Variants in PPP3CA observed in about 807,000 individuals in gnomAD.
PPP3CA encodes the protein CAM-PRP catalytic subunit.
In PPP3CA, 14 loss-of-function variants were observed where a neutral mutation model predicts 66.5. The observed-to-expected ratio is 0.21, with a 90% CI of 0.14 to 0.33. The LOEUF is 0.33. PPP3CA is among the 10% of genes least tolerant of loss of function. PPP3CA has a pLI of 1.00. For synonymous variants in PPP3CA, 232 were observed against 226.2 expected (o/e 1.03, Z -0.23); for missense variants, 317 against 639.5 (o/e 0.50, Z 5.44).
chr4:101,110,677 T>G (rs1456521085), intron 2 of PPP3CA, among the ~76,000 whole-genome samples: 1 of 152,224 alleles, frequency 6.6e-6, no homozygotes, highest in Admixed American at 6.5e-5. Flanking sequence ...ATAAATAATT[T>G]TTTTATTCTT....
At chr4:101,319,861 T>C (rs142676103) in intron 1 of PPP3CA, among the ~76,000 whole-genome samples, 1 of 152,286 alleles carries the variant, frequency 6.6e-6, no homozygotes. Flanking sequence ...TAAGTACAAT[T>C]GGCTTTGTGG....
At chr4:101,027,018 T>C (rs1482808608) in intron 13 of PPP3CA, among the ~76,000 whole-genome samples, 1 of 152,222 alleles carries the variant, frequency 6.6e-6, no homozygotes, top group East Asian at 1.9e-4. Flanking sequence ...ATCTTTGGTG[T>C]GCTACAGCGA....
chr4:101,182,750 G>A (rs577827683), intron 2 of PPP3CA, among the ~76,000 whole-genome samples: 25 of 152,218 alleles, frequency 1.6e-4, no homozygotes, highest in Admixed American at 3.3e-4. Flanking sequence ...GAATTCCGAC[G>A]TGTTGTGGGA....
rs186653151 is a variant in PPP3CA, at chr4:101,085,014, G to T, written c.783-1751C>A. Among the ~76,000 whole-genome samples, 4 of 152,190 alleles carry T rather than the reference G, an allele frequency of 2.6e-5. No homozygotes were observed. The East Asian group carries it at 7.7e-4, about 29-fold the overall frequency. On this transcript the variant is annotated intron_variant, in intron 6 of 13. Coordinates refer to ENST00000394854, the MANE Select transcript of PPP3CA (RefSeq NM_000944.5). Reference sequence around the variant, plus strand: ...GAAAAGTGAATATACGACCTTTCCAGGTAAGTGTGTGTCAGAGAAAAAAAA... The same window carrying T: ...GAAAAGTGAATATACGACCTTTCCATGTAAGTGTGTGTCAGAGAAAAAAAA...
At chr4:101,277,222 G>A (rs186726297) in intron 1 of PPP3CA, among the ~76,000 whole-genome samples, 6 of 152,052 alleles carry the variant, frequency 3.9e-5, no homozygotes, top group African/African-American at 1.4e-4. Flanking sequence ...CCATTTCTAT[G>A]TGGCTTGGTA....
At chr4:101,166,348 C>T (rs73833252) in intron 2 of PPP3CA, among the ~76,000 whole-genome samples, 20,224 of 152,060 alleles carry the variant, frequency 0.13, 1,830 homozygotes, top group East Asian at 0.29. Context: ...AGCAGTGCAA[C>T]GCACCGTTCC....
rs1311684599 is a variant in PPP3CA, at chr4:101,164,034, G to A, written c.259+31882C>T. On this transcript the variant is annotated intron_variant, in intron 2 of 13. Transcript: ENST00000394854. ...CTTGCTCTGTCACCCAGGCTGGAGT[G>A]CAGTGGTGTAATCATAACTTACTGC... 4.7e-4 allele frequency among the ~76,000 whole-genome samples: 7 copies of A among 14,740 alleles called. No individual in the cohort carries two copies. The Admixed American group carries it at 4.8e-3, about 10-fold the overall frequency. The allele number at this position is 14,740 out of a possible 152,430, so 9.7% of individuals were successfully genotyped here.
At chr4:101,303,398 TC>T (rs1210111677) in intron 1 of PPP3CA, among the ~76,000 whole-genome samples, 1 of 152,188 alleles carries the variant, frequency 6.6e-6, no homozygotes, top group Non-Finnish European at 1.5e-5. Context: ...TGTATTTTTT[TC>T]AGCAAAATTA....
At chr4:101,334,959 T>C (rs1729577629) in intron 1 of PPP3CA, among the ~76,000 whole-genome samples, 1 of 152,194 alleles carries the variant, frequency 6.6e-6, no homozygotes, top group Admixed American at 6.5e-5. Flanking sequence ...ATCAGTAAGA[T>C]CAAGCAACTG....
intron 1 of PPP3CA, among the ~76,000 whole-genome samples, chr4:101,249,828 T>G (rs1726616220): frequency 6.6e-6 from 1 of 152,170 alleles, no homozygotes; most frequent in South Asian, 2.1e-4. Context: ...TCAAAACAAA[T>G]TGTTAGTATT....
At chr4:101,330,640 T>C (rs1478849500) in intron 1 of PPP3CA, among the ~76,000 whole-genome samples, 1 of 152,172 alleles carries the variant, frequency 6.6e-6, no homozygotes, top group Admixed American at 6.5e-5. Context: ...ATATTCGCTC[T>C]ATTGTGGCAG....
chr4:101,145,995 AT>A (rs1722957328), intron 2 of PPP3CA, among the ~76,000 whole-genome samples: 1 of 152,198 alleles, frequency 6.6e-6, no homozygotes, highest in African/African-American at 2.4e-5. Flanking sequence ...TCAAAAAACC[AT>A]TGATTCACAG....
At chr4:101,114,174 C>G (rs1404317802) in intron 2 of PPP3CA, among the ~76,000 whole-genome samples, 2 of 152,102 alleles carry the variant, frequency 1.3e-5, no homozygotes, top group African/African-American at 4.8e-5. Flanking sequence ...ATGAAAATAT[C>G]CATTCATCTG....
In PPP3CA at chr4:101,240,114, C is replaced by A. The variant is rs140061397; in HGVS notation, c.59-43998G>T. The stretch of plus-strand genomic sequence containing the variant: ...AACTGGTTTGTACATAATTTTATTG[C>A]TATAGTTCTGCACATACTTAGGTTC... On this transcript the variant is annotated intron_variant, in intron 1 of 13. Coordinates refer to ENST00000394854, the MANE Select transcript of PPP3CA (RefSeq NM_000944.5). Among the ~76,000 whole-genome samples the A allele has an allele frequency of 1.8e-3, 274 of 151,854 alleles. 1 individual carries two copies. The highest frequency in any genetic ancestry group is 6.4e-3 in the African/African-American group (266 of 41,412).
rs145914137 is a variant in PPP3CA at position 101,092,827 on chromosome 4, G to T, written c.782+949C>A. 2.2e-3 allele frequency among the ~76,000 whole-genome samples: 330 copies of T among 152,238 alleles called. 6 individuals carry two copies. The highest frequency in any genetic ancestry group is 0.017 in the Admixed American group (264 of 15,294). On this transcript the variant is annotated intron_variant, in intron 6 of 13. Coordinates refer to ENST00000394854, the MANE Select transcript of PPP3CA (RefSeq NM_000944.5). ...CTGCATAGTATTCCATGGTGTATAT[G>T]TACCACATTTTCTTTCTCCAGTCTA...
At chr4:101,132,819 T>C (rs1250962258) in intron 2 of PPP3CA, among the ~76,000 whole-genome samples, 1 of 152,086 alleles carries the variant, frequency 6.6e-6, no homozygotes, top group Non-Finnish European at 1.5e-5. Context: ...CAGGCCAATA[T>C]CCCTGATGGA....
Position 101,323,643 on chromosome 4 carries a change from G to A in PPP3CA, c.58+23096C>T, listed in dbSNP as rs192327520. Among the ~76,000 whole-genome samples, 52 of 152,182 alleles carry A rather than the reference G, an allele frequency of 3.4e-4. No individual in the cohort carries two copies. The East Asian group carries it at 7.5e-3, about 22-fold the overall frequency. On this transcript the variant is annotated intron_variant, in intron 1 of 13. Coordinates refer to ENST00000394854, the MANE Select transcript of PPP3CA (RefSeq NM_000944.5). ...TAAGAGTCTATGCTTTCATATATAA[G>A]CCACCCTTTCTCTTTGAGGTAGGGA... is the stretch of plus-strand genomic sequence containing the variant.
chr4:101,150,525 G>A (rs1442190601), intron 2 of PPP3CA, among the ~76,000 whole-genome samples: 4 of 152,162 alleles, frequency 2.6e-5, no homozygotes, highest in Non-Finnish European at 4.4e-5. Context: ...AAACTGCTTT[G>A]AGAATAAGCC....
intron 2 of PPP3CA, among the ~76,000 whole-genome samples, chr4:101,147,607 C>G (rs921140021): frequency 4.6e-5 from 7 of 152,138 alleles, no homozygotes; most frequent in Non-Finnish European, 1.0e-4. Context: ...AATCTGGATT[C>G]TCTCCAAGAG....
Sources: allele counts gnomAD v4.1 joint callset (sites outside exome capture counted in the v4.1 genomes callset), GRCh38; gene constraint gnomAD v4.1.1; transcripts MANE v1.5; gene names NCBI Gene and HGNC (gene_info 2026-07-23, HGNC 2026-07-21).